FREM1: variants seen among roughly 807,000 people sequenced by gnomAD.
The protein encoded by FREM1 is FRAS1 related extracellular matrix 1, also known as FRAS1-related extracellular matrix protein 1.
A neutral mutation model predicts 210.1 loss-of-function variants in FREM1; 220 were observed. The observed-to-expected ratio is 1.05, with a 90% confidence interval of 0.94 to 1.17. The LOEUF (loss-of-function observed/expected upper bound fraction) is 1.17, where lower values mean the gene tolerates loss of function less well. Ranked by LOEUF, FREM1 falls within the 50% of genes most tolerant of loss-of-function variation. The pLI is 0.00. For synonymous variants in FREM1, 1,189 were observed against 980.2 expected, an observed-to-expected ratio of 1.21 and a Z score of -3.98; for missense variants, 3,454 against 2,675.5, an observed-to-expected ratio of 1.29 and a Z score of -6.42.
In FREM1 at chr9:14,857,454, G is replaced by A. The variant is rs115297127; in HGVS notation, c.828+99C>T. 903 of 1,039,372 alleles carry A rather than the reference G, an allele frequency of 8.7e-4. 6 individuals are homozygous for A. The African/African-American group carries it at 0.013, about 15-fold the overall frequency. The allele number at this position is 1,039,372 out of a possible 1,614,324, so 64.4% of individuals were successfully genotyped here. A position where few individuals can be genotyped will look rare whatever the true frequency, so the allele number is the denominator to read the frequency against. ...TGGCAGTTTTACCCCCAAAAGCACA[G>A]GAACTCTCCCTGGCATGGGGGCGAG... On this transcript the variant is annotated intron_variant, in intron 5 of 36. Coordinates refer to ENST00000380880, the MANE Select transcript of FREM1 (RefSeq NM_001379081.2).
At chr9:14,801,617 C>A (rs1817300925) in intron 20 of FREM1, 35 bp downstream of exon 20, 6 of 1,397,226 alleles carry the variant, frequency 4.3e-6, no homozygotes, top group Non-Finnish European at 6.1e-6. Flanking sequence ...ATTCAATCAA[C>A]AATAACAAAT....
chr9:14,867,409 T>C (rs951701641), intron 2 of FREM1, among the ~76,000 whole-genome samples: 1 of 152,186 alleles, frequency 6.6e-6, no homozygotes, highest in Non-Finnish European at 1.5e-5. Context: ...TGTGGAGCCA[T>C]TGTTGAATTC....
intron 27 of FREM1, among the ~76,000 whole-genome samples, chr9:14,766,451 T>A (rs976890147): frequency 6.6e-6 from 1 of 152,072 alleles, no homozygotes; most frequent in Non-Finnish European, 1.5e-5. Context: ...TTCTGAGAGA[T>A]TCCCAATCCA....
intron 3 of FREM1, among the ~76,000 whole-genome samples, chr9:14,861,697 G>C (rs1412086327): frequency 6.6e-6 from 1 of 151,706 alleles, no homozygotes; most frequent in African/African-American, 2.4e-5. Flanking sequence ...AGTAGAGATG[G>C]GGTTTTGCCA....
chr9:14,850,349 T>C (rs1827479427), intron 6 of FREM1: 1 of 149,058 alleles, frequency 6.7e-6, no homozygotes, highest in South Asian at 2.2e-4. Context: ...TGAGTCCGTG[T>C]TATTAATTAA....
intron 10 of FREM1, among the ~76,000 whole-genome samples, chr9:14,826,098 C>CTTTTTT (rs5896650): frequency 3.7e-5 from 5 of 135,526 alleles, no homozygotes; most frequent in African/African-American, 1.1e-4. Context: ...CTTTCTCAAC[C>CTTTTTT]TTTTTTTTTT....
chr9:14,820,813 T>A (rs1389134258), intron 13 of FREM1, among the ~76,000 whole-genome samples: 1 of 152,188 alleles, frequency 6.6e-6, no homozygotes, highest in African/African-American at 2.4e-5. Context: ...ATATTTTCAC[T>A]GTTTGTAGGA....
At chr9:14,860,339 T>G in intron 3 of FREM1, among the ~76,000 whole-genome samples, 1 of 151,790 alleles carries the variant, frequency 6.6e-6, no homozygotes, top group African/African-American at 2.4e-5. Flanking sequence ...CCTACTCCCC[T>G]GAATATTTTA....
At position 14,792,792 on chromosome 9, in the gene FREM1, A is replaced by G. The variant is rs182527895; in HGVS notation, c.3932T>C (p.Ile1311Thr). ...GGGAAGCCTTTCAAATACATAGTAA[A>G]TCTTCTCCCTGGGTGAGTCTTCATC... ...AIDEDSPREKIYYVFERLPQN... is the reference protein window; with the variant it reads ...AIDEDSPREKTYYVFERLPQN... Residue 1311 changes from isoleucine to threonine, a missense_variant, in exon 22 of 37, where the codon ATT (isoleucine) becomes ACT (threonine). By Grantham distance (89) the Ile-to-Thr change is moderately conservative. Coordinates refer to ENST00000380880, the MANE Select transcript of FREM1 (RefSeq NM_001379081.2). 8.8e-5 allele frequency: 142 copies of G among 1,609,010 alleles called. 1 individual carries two copies. The Admixed American group carries it at 2.2e-3, about 25-fold the overall frequency.
In FREM1 at chr9:14,775,780, C is replaced by T. The variant is rs1436631746; in HGVS notation, c.4857+9G>A. ...TCTCTGGCAAATGAACTGTGTTTTT[C>T]ATACTTGCCTGAATGGTGAATAAAA... On this transcript the variant is annotated intron_variant, in intron 25 of 36. Transcript: ENST00000380880. The T allele has an allele frequency of 1.3e-6, 2 of 1,482,424 alleles. No individual in the cohort carries two copies. The highest frequency in any genetic ancestry group is 1.1e-5 in the South Asian group (1 of 86,982). The allele number at this position is 1,482,424 out of a possible 1,614,324, so 91.8% of individuals were successfully genotyped here.
At chr9:14,816,611 A>C (rs1473043205) in intron 15 of FREM1, among the ~76,000 whole-genome samples, 167 bp downstream of exon 15, 1 of 152,150 alleles carries the variant, frequency 6.6e-6, no homozygotes, top group Non-Finnish European at 1.5e-5. Context: ...GTGATGCAGC[A>C]AGAAGGCCCT....
intron 22 of FREM1, chr9:14,790,657 G>C (rs2291683): frequency 0.079 from 11,964 of 152,182 alleles, 769 homozygotes; most frequent in African/African-American, 0.16. Context: ...ATAAAAGTCA[G>C]ATTCAAGATG....
At chr9:14,907,382 C>G (rs180976853) in intron 1 of FREM1, among the ~76,000 whole-genome samples, 3 of 152,066 alleles carry the variant, frequency 2.0e-5, no homozygotes, top group Non-Finnish European at 4.4e-5. Flanking sequence ...TTGTTTCGCT[C>G]GGCCCCTCAA....
chr9:14,882,110 T>TC (rs1834893985), intron 1 of FREM1, among the ~76,000 whole-genome samples: 1 of 145,378 alleles, frequency 6.9e-6, no homozygotes, highest in Non-Finnish European at 1.5e-5. Context: ...CTGTTATTAT[T>TC]TTGTGTGTGT....
At chr9:14,763,561 A>C (rs1845879172) in intron 27 of FREM1, among the ~76,000 whole-genome samples, 1 of 152,186 alleles carries the variant, frequency 6.6e-6, no homozygotes, top group Admixed American at 6.6e-5. Context: ...CCACTGTTGT[A>C]AGTGGAAGAC....
At chr9:14,779,301 T>C (rs1849261225) in intron 24 of FREM1, 1 of 170,918 alleles carries the variant, frequency 5.9e-6, no homozygotes, top group Non-Finnish European at 1.2e-5. Context: ...ATTGGTACCT[T>C]AGCGCAAATA....
At chr9:14,886,946 G>A (rs1247412998) in intron 1 of FREM1, among the ~76,000 whole-genome samples, 1 of 146,118 alleles carries the variant, frequency 6.8e-6, no homozygotes, top group Non-Finnish European at 1.5e-5. Context: ...TTTTTATGAT[G>A]TATTTTTTTA....
In FREM1 at chr9:14,747,274, A is replaced by G; in HGVS notation, c.5999T>C (p.Phe2000Ser). The change falls in exon 33 of 37, where the codon TTC becomes TCC. Residue 2000 changes from phenylalanine to serine, a missense_variant. Transcript: ENST00000380880. ...CAAAGATTTTCATACCTGTCTGGGG[A>G]AGTGTGAGTCAGTTGTGGATTCCAC... ...DKVESTTDSH[F>S]PRQDQLPSFP... 1.9e-6 allele frequency: 3 copies of G among 1,612,244 alleles called. No individual in the cohort carries two copies. Among genetic ancestry groups the G allele is most frequent in the Non-Finnish European group, 2.5e-6 (3 of 1,179,160 alleles).
At chr9:14,773,746 A>G (rs188658927) in intron 25 of FREM1, among the ~76,000 whole-genome samples, 24 of 152,240 alleles carry the variant, frequency 1.6e-4, no homozygotes, top group Admixed American at 5.2e-4. Context: ...GCTCTTTAAG[A>G]TGAGTGTTGG....
Sources: allele counts gnomAD v4.1 joint callset (sites outside exome capture counted in the v4.1 genomes callset), GRCh38; gene constraint gnomAD v4.1.1; transcripts MANE v1.5; gene names NCBI Gene and HGNC (gene_info 2026-07-23, HGNC 2026-07-21).